The following EPHA6 variants were observed in gnomAD, a reference collection of about 807,000 sequenced individuals.
EPHA6 encodes EPH receptor A6, also known as ephrin type-A receptor 6.
Under a neutral mutation model 112.0 loss-of-function variants are expected in EPHA6, and 50 were observed. That is an observed-to-expected ratio of 0.45 (90% CI 0.36 to 0.56). EPHA6 has a LOEUF of 0.56. Among genes scored for constraint, EPHA6 ranks in the 20% least tolerant of loss-of-function variants. The probability of loss-of-function intolerance (pLI) is 0.00; values close to 1 mark genes in which losing one functional copy is unlikely to be tolerated. For synonymous variants in EPHA6, 529 were observed against 490.7 expected (o/e 1.08, Z -1.03); for missense variants, 1,280 against 1,417.4 (o/e 0.90, Z 1.56).
At chr3:97,454,919 A>G (rs529590103) in intron 7 of EPHA6, among the ~76,000 whole-genome samples, 2 of 152,072 alleles carry the variant, frequency 1.3e-5, no homozygotes, top group South Asian at 2.1e-4. Context: ...CAGATTTCAT[A>G]TTTATGAGTC....
chr3:97,481,212 CCTT>C, intron 9 of EPHA6: 3 of 1,251,394 alleles, frequency 2.4e-6, no homozygotes, highest in Non-Finnish European at 3.5e-6. Context: ...GAAAAGACAA[CCTT>C]TTTCTCCATT....
At chr3:97,604,522 CAT>C (rs2093665830) in intron 12 of EPHA6, among the ~76,000 whole-genome samples, 2 of 151,688 alleles carry the variant, frequency 1.3e-5, no homozygotes, top group Admixed American at 1.3e-4. Context: ...CTTTTTGTGA[CAT>C]AGTGTGCAAA....
chr3:97,560,043 GAA>G (rs528463294), intron 11 of EPHA6, among the ~76,000 whole-genome samples: 2 of 150,674 alleles, frequency 1.3e-5, no homozygotes, highest in East Asian at 3.9e-4. Flanking sequence ...AGAAAAAAAA[GAA>G]AAAAATCCCA....
intron 5 of EPHA6, among the ~76,000 whole-genome samples, chr3:97,349,963 T>A (rs1427624049): frequency 6.6e-6 from 1 of 152,040 alleles, no homozygotes; most frequent in Non-Finnish European, 1.5e-5. Flanking sequence ...TAATCTTTTT[T>A]TTTTTTCTTT....
rs115645635 is a variant in EPHA6 at position 97,728,752 on chromosome 3, T to C, written c.2935-7173T>C. Among the ~76,000 whole-genome samples, 958 of 152,270 alleles carry C rather than the reference T, an allele frequency of 6.3e-3. 10 individuals are homozygous for C. Among genetic ancestry groups the C allele is most frequent in the African/African-American group, 0.022 (920 of 41,564 alleles). On this transcript the variant is annotated intron_variant, in intron 15 of 17. Coordinates refer to ENST00000389672, the MANE Select transcript of EPHA6 (RefSeq NM_001080448.3). ...AAGGCAGAGCTTGGTTAGTGACAAC[T>C]TAGGACTTCAGTGCGGTTTCAGGCA...
At chr3:96,856,101 A>G (rs1216745900) in intron 1 of EPHA6, among the ~76,000 whole-genome samples, 1 of 152,072 alleles carries the variant, frequency 6.6e-6, no homozygotes, top group Admixed American at 6.6e-5. Flanking sequence ...TTAGCCGGGC[A>G]TGATGGTGCA....
rs1487667246 is a variant in EPHA6 at position 96,998,918 on chromosome 3, TA to T, written c.1114+10927del. ...AATTTTCACTTTGACTATGCCTAGTTAAGAGTTTACCTCATCTGTTGAGATA... is the reference window on the plus strand; with the variant it reads ...AATTTTCACTTTGACTATGCCTAGTTAGAGTTTACCTCATCTGTTGAGATA... On this transcript the variant is annotated intron_variant, in intron 3 of 17. Transcript: ENST00000389672. 5.9e-5 allele frequency among the ~76,000 whole-genome samples: 9 copies of T among 152,114 alleles called. No individual in the cohort carries two copies. In the South Asian group the frequency reaches 1.9e-3, roughly 32 times the overall value.
intron 15 of EPHA6, 50 bp from the exon 16 acceptor site, chr3:97,735,875 T>C (rs1288669284): frequency 7.3e-7 from 1 of 1,367,406 alleles, no homozygotes; most frequent in Non-Finnish European, 9.8e-7. Context: ...TTATAGCATA[T>C]GTATTACTGC....
intron 10 of EPHA6, among the ~76,000 whole-genome samples, chr3:97,531,225 A>G (rs1258523598): frequency 6.6e-6 from 1 of 152,036 alleles, no homozygotes; most frequent in Non-Finnish European, 1.5e-5. Flanking sequence ...ATAAATTGGG[A>G]AACAGTCATC....
chr3:96,864,995 G>C (rs1436153957), intron 1 of EPHA6, among the ~76,000 whole-genome samples: 4 of 151,946 alleles, frequency 2.6e-5, no homozygotes, highest in African/African-American at 9.7e-5. Flanking sequence ...TCTTATAGTG[G>C]GGAAGTAGGT....
At chr3:97,372,846 T>C (rs1424141654) in intron 5 of EPHA6, among the ~76,000 whole-genome samples, 5 of 152,130 alleles carry the variant, frequency 3.3e-5, no homozygotes, top group Non-Finnish European at 7.4e-5. Context: ...GGACTCCAGG[T>C]AAATGGTTAA....
intron 6 of EPHA6, among the ~76,000 whole-genome samples, chr3:97,437,839 A>G (rs894183565): frequency 6.6e-6 from 1 of 151,556 alleles, no homozygotes; most frequent in Non-Finnish European, 1.5e-5. Flanking sequence ...TTTCCTCTCC[A>G]TTTTCCCCCT....
intron 11 of EPHA6, among the ~76,000 whole-genome samples, chr3:97,539,813 T>A (rs1162154720): frequency 1.1e-4 from 17 of 152,168 alleles, no homozygotes; most frequent in African/African-American, 3.9e-4. Flanking sequence ...AGAAGCAGGA[T>A]CATTTGCTGA....
At position 97,405,150 on chromosome 3, in the gene EPHA6, C is replaced by CT. The variant is rs1237412858; in HGVS notation, c.1607_1608insT (p.Pro537ThrfsTer16). ...TCTTAGTTATTTTCTTTCCTTTCAG[C>CT]ACCTTCCCTGATAGGTGTGGTAAGG... is the stretch of plus-strand genomic sequence containing the variant. On this transcript the variant is annotated frameshift_variant and splice_region_variant, in exon 6 of 18. Transcript: ENST00000389672. LOFTEE classifies it high-confidence loss of function. The CT allele has an allele frequency of 6.3e-7, 1 of 1,591,582 alleles. No homozygotes were observed. Among genetic ancestry groups the CT allele is most frequent in the African/African-American group, 1.3e-5 (1 of 74,446 alleles).
chr3:97,441,483 C>T (rs2090136101), intron 6 of EPHA6: 1 of 933,630 alleles, frequency 1.1e-6, no homozygotes, highest in Non-Finnish European at 1.3e-6. Context: ...GTAAGTCAGA[C>T]ATAATTATAT....
chr3:97,129,455 T>C (rs1271866968), intron 3 of EPHA6, among the ~76,000 whole-genome samples: 3 of 151,244 alleles, frequency 2.0e-5, no homozygotes, highest in Non-Finnish European at 4.4e-5. Flanking sequence ...TGAGCCGAGA[T>C]CGTGCCACTG....
chr3:97,002,784 A>C (rs2043716634), intron 3 of EPHA6, among the ~76,000 whole-genome samples: 1 of 152,100 alleles, frequency 6.6e-6, no homozygotes, highest in South Asian at 2.1e-4. Context: ...ATAAAATAAC[A>C]AATGCATTGC....
chr3:97,388,685 A>T (rs962999350), intron 5 of EPHA6, among the ~76,000 whole-genome samples: 2 of 152,158 alleles, frequency 1.3e-5, no homozygotes, highest in Non-Finnish European at 2.9e-5. Context: ...GAGGGGATTT[A>T]TGACAGCTGA....
intron 6 of EPHA6, among the ~76,000 whole-genome samples, chr3:97,438,389 C>A (rs951028736): frequency 4.6e-5 from 7 of 152,106 alleles, no homozygotes; most frequent in Admixed American, 4.6e-4. Context: ...GCTATACTGA[C>A]ATAATATTAT....
Sources: gnomAD v4.1 joint callset for allele counts (sites outside exome capture counted in the v4.1 genomes callset) on GRCh38, gnomAD v4.1.1 for gene constraint, MANE v1.5 for transcripts, NCBI Gene and HGNC (gene_info 2026-07-23, HGNC 2026-07-21) for gene names.